CANX: variants seen among roughly 807,000 people sequenced by gnomAD.
The protein encoded by CANX is calnexin, also known as epididymis secretory sperm binding protein.
Under a neutral mutation model 75.7 loss-of-function variants are expected in CANX, and 14 were observed. The ratio of observed to expected loss-of-function variants is 0.19; its 90% CI spans 0.12 to 0.29. CANX has a LOEUF of 0.29. Ranked by LOEUF, CANX falls within the 10% of genes least tolerant of loss-of-function variation. The pLI is 1.00. For missense variants in CANX, 567 were observed against 713.2 expected (o/e 0.79, Z 2.34); for synonymous variants, 227 against 236.9 (o/e 0.96, Z 0.38).
Position 179,731,003 on chromosome 5 carries a change from A to G in CANX, c.*2359A>G, listed in dbSNP as rs376986405. On this transcript the variant is annotated 3_prime_UTR_variant, in exon 15 of 15. Coordinates refer to ENST00000247461, the MANE Select transcript of CANX (RefSeq NM_001746.4). The stretch of plus-strand genomic sequence containing the variant: ...GTTCAATTAGTGGGTTGATCTTCGT[A>G]TAATTGGCCACTATGTGAGAGTTCA... 95 of 152,332 alleles carry G rather than the reference A, an allele frequency of 6.2e-4. No homozygotes were observed. The highest frequency in any genetic ancestry group is 2.2e-3 in the African/African-American group (92 of 41,570). The allele number at this position is 152,332 out of a possible 1,614,324, so 9.4% of individuals were successfully genotyped here. A position where few individuals can be genotyped will look rare whatever the true frequency, so the allele number is the denominator to read the frequency against.
At chr5:179,692,609 C>T (rs888047482) in intron 1 of CANX, among the ~76,000 whole-genome samples, 1 of 152,050 alleles carries the variant, frequency 6.6e-6, no homozygotes, top group African/African-American at 2.4e-5. Context: ...CTCACTGCAG[C>T]CTCAACCTCC....
chr5:179,680,912 C>T (rs1337950828), intron 1 of CANX: 7 of 1,536,486 alleles, frequency 4.6e-6, no homozygotes, highest in African/African-American at 1.4e-5. Context: ...TCTCTGGAAG[C>T]CCACATCCAG....
At chr5:179,679,161 C>G in intron 1 of CANX, 1 of 1,535,344 alleles carries the variant, frequency 6.5e-7, no homozygotes, top group Non-Finnish European at 8.7e-7. Flanking sequence ...TTGTAGGGCA[C>G]GCAGGTGCTC....
chr5:179,725,081 G>C (rs1468940568), intron 13 of CANX, among the ~76,000 whole-genome samples: 2 of 152,128 alleles, frequency 1.3e-5, no homozygotes. Flanking sequence ...GGAGTACAGT[G>C]GCACAGTCAC....
Position 179,724,680 on chromosome 5 carries a change from T to G in CANX, c.1542T>G (p.Tyr514Ter). Residue 514 changes from tyrosine (Y) to a stop codon, truncating the protein, a stop_gained, in exon 13 of 15, where the codon TAT becomes TAG. Transcript: ENST00000247461. LOFTEE classifies it high-confidence loss of function. ...SGKKQTSGME[Y>*]KKTDAPQPDV... ...AGAAACAGACCAGTGGTATGGAGTA[T>G]AAGAAAACTGATGCACCTCAACCGG... The G allele has an allele frequency of 6.2e-7, 1 of 1,613,486 alleles. No homozygotes were observed. Among genetic ancestry groups the G allele is most frequent in the Non-Finnish European group, 8.5e-7 (1 of 1,179,672 alleles).
intron 1 of CANX, among the ~76,000 whole-genome samples, chr5:179,691,604 C>G (rs1776299582): frequency 2.0e-5 from 3 of 151,946 alleles, no homozygotes; most frequent in Admixed American, 2.0e-4. Context: ...GAGAATGAAG[C>G]AGATGTCATT....
intron 1 of CANX, among the ~76,000 whole-genome samples, chr5:179,685,816 A>G (rs960952766): frequency 2.6e-5 from 4 of 151,752 alleles, no homozygotes; most frequent in Non-Finnish European, 4.4e-5. Flanking sequence ...TGGCCTCCCA[A>G]AGTGTTGGAA....
chr5:179,723,524 T>C (rs1451768941), intron 11 of CANX, 136 bp from the exon 12 acceptor site: 1 of 840,282 alleles, frequency 1.2e-6, no homozygotes. Context: ...ATTTCTTTTT[T>C]ACATTTTATG....
intron 7 of CANX, among the ~76,000 whole-genome samples, chr5:179,715,194 G>T (rs1409513486): frequency 1.3e-5 from 2 of 152,194 alleles, no homozygotes; most frequent in African/African-American, 4.8e-5. Context: ...ATATCTAGGT[G>T]TGGAATCTGG....
Position 179,716,147 on chromosome 5 carries a change from C to A in CANX, c.764C>A (p.Ser255Tyr), listed in dbSNP as rs753972476. 1 of 1,612,744 alleles carries A rather than the reference C, an allele frequency of 6.2e-7. No homozygotes were observed. Among genetic ancestry groups the A allele is most frequent in the African/African-American group, 1.3e-5 (1 of 74,998 alleles). The part of the protein sequence containing the change: ...DNSFEILVDQ[S>Y]VVNSGNLLND... ...AGTTTTGAAATACTGGTTGACCAATCTGTGGTGAATAGTGGAAATCTGCTC... is the reference window on the plus strand; with the variant it reads ...AGTTTTGAAATACTGGTTGACCAATATGTGGTGAATAGTGGAAATCTGCTC... The change falls in exon 8 of 15, where the codon TCT becomes TAT. Residue 255 changes from serine to tyrosine, a missense_variant. Coordinates refer to ENST00000247461, the MANE Select transcript of CANX (RefSeq NM_001746.4).
intron 1 of CANX, among the ~76,000 whole-genome samples, chr5:179,692,816 A>G (rs1776320759): frequency 6.6e-6 from 1 of 152,128 alleles, no homozygotes; most frequent in African/African-American, 2.4e-5. Context: ...GCATGAGCAC[A>G]TAGTACATAA....
chr5:179,697,784 G>C (rs377636756), upstream of CANX, among the ~76,000 whole-genome samples: 10 of 152,120 alleles, frequency 6.6e-5, no homozygotes, highest in African/African-American at 2.2e-4. Context: ...CCAGCTACTC[G>C]GGAGGCTGAG....
chr5:179,693,804 C>T (rs1776342733), upstream of CANX, among the ~76,000 whole-genome samples: 1 of 151,838 alleles, frequency 6.6e-6, no homozygotes, highest in African/African-American at 2.4e-5. Context: ...GATTGTGCCA[C>T]TGTACTCTAG....
chr5:179,723,141 G>A, intron 11 of CANX, 122 bp downstream of exon 11: 1 of 769,854 alleles, frequency 1.3e-6, no homozygotes, highest in Non-Finnish European at 2.2e-6. Flanking sequence ...ATAACCATAT[G>A]CCTGCAAAAG....
chr5:179,715,726 A>C (rs2113213975), intron 7 of CANX, among the ~76,000 whole-genome samples: 1 of 152,238 alleles, frequency 6.6e-6, no homozygotes, highest in South Asian at 2.1e-4. Flanking sequence ...GACCTTTTGT[A>C]CTGGGAAGTA....
chr5:179,705,838 C>T lies in CANX; in HGVS notation c.157C>T (p.Pro53Ser), dbSNP rs761034514. The T allele has an allele frequency of 1.2e-6, 2 of 1,613,266 alleles. No individual in the cohort carries two copies. The highest frequency in any genetic ancestry group is 1.7e-6 in the Non-Finnish European group (2 of 1,179,464). The change falls in exon 2 of 15, where the codon CCT becomes TCT. Residue 53 changes from proline to serine, a missense_variant. Transcript: ENST00000247461. ...EDSKPDTTAP[P>S]SSPKVTYKAP... ...CTCAAAACCAGATACCACTGCTCCTCCTTCATCTCCCAAGGTTTGAAATGG... is the reference window on the plus strand; with the variant it reads ...CTCAAAACCAGATACCACTGCTCCTTCTTCATCTCCCAAGGTTTGAAATGG...
intron 12 of CANX, among the ~76,000 whole-genome samples, 182 bp downstream of exon 12, chr5:179,723,961 G>T (rs866237803): frequency 1.3e-5 from 2 of 152,052 alleles, no homozygotes; most frequent in South Asian, 4.2e-4. Context: ...GTGCCCAGAT[G>T]GGAGCAGGAT....
intron 6 of CANX, 58 bp from the exon 7 acceptor site, chr5:179,709,815 G>A (rs748824424): frequency 3.8e-5 from 42 of 1,109,976 alleles, no homozygotes; most frequent in East Asian, 5.3e-5. Context: ...CTTTTGAAAC[G>A]TTGCTTTTGA....
At chr5:179,716,945 C>T (rs1351258586) in intron 8 of CANX, among the ~76,000 whole-genome samples, 1 of 152,034 alleles carries the variant, frequency 6.6e-6, no homozygotes, top group South Asian at 2.1e-4. Flanking sequence ...TGAAGAATGT[C>T]GTATGCAGAA....
Sources: allele counts gnomAD v4.1 joint callset (sites outside exome capture counted in the v4.1 genomes callset), GRCh38; gene constraint gnomAD v4.1.1; transcripts MANE v1.5; gene names NCBI Gene and HGNC (gene_info 2026-07-23, HGNC 2026-07-21).